The following DDAH1 variants were observed in gnomAD, a reference collection of about 807,000 sequenced individuals.
The protein encoded by DDAH1 is N(G),N(G)-dimethylarginine dimethylaminohydrolase 1.
A neutral mutation model predicts 28.8 loss-of-function variants in DDAH1; 19 were observed. The observed-to-expected ratio is 0.66, with a 90% CI of 0.46 to 0.97. The LOEUF (loss-of-function observed/expected upper bound fraction) is 0.97. Among genes scored for constraint, DDAH1 ranks in the 50% least tolerant of loss-of-function variants. The pLI, the probability that DDAH1 is intolerant of heterozygous loss-of-function variation, is 0.00. For missense variants in DDAH1, 326 were observed against 375.9 expected (o/e 0.87, Z 1.10); for synonymous variants, 153 against 154.4 (o/e 0.99, Z 0.07).
rs1452840336 is a variant in DDAH1, at chr1:85,465,020, G to A, written c.26C>T (p.Ala9Val). The change falls in exon 1 of 6, where the codon GCC becomes GTC. Residue 9 changes from alanine (A) to valine (V), a missense_variant. By Grantham distance (64) the Ala-to-Val change is moderately conservative (BLOSUM62 0). Transcript: ENST00000284031. MAGLGHPAAFGRATHAVVR... is the reference protein window; with the variant it reads MAGLGHPAVFGRATHAVVR... ...CACGGCGTGGGTGGCCCGGCCGAAG[G>A]CGGCGGGGTGGCCGAGCCCGGCCAT... 3 of 1,332,204 alleles carry A rather than the reference G, an allele frequency of 2.3e-6. No individual in the cohort carries two copies. The highest frequency in any genetic ancestry group is 2.9e-6 in the Non-Finnish European group (3 of 1,044,406). The allele number at this position is 1,332,204 out of a possible 1,614,324, so 82.5% of individuals were successfully genotyped here.
intron 2 of DDAH1, among the ~76,000 whole-genome samples, chr1:85,490,956 T>A (rs1656375831): frequency 6.6e-6 from 1 of 152,142 alleles, no homozygotes; most frequent in Non-Finnish European, 1.5e-5. Flanking sequence ...AATATTAATT[T>A]CTCTATTATA....
chr1:85,437,383 G>A (rs928401297), intron 1 of DDAH1, among the ~76,000 whole-genome samples: 1 of 152,090 alleles, frequency 6.6e-6, no homozygotes, highest in South Asian at 2.1e-4. Flanking sequence ...CCATTTATAT[G>A]CAGATCTTCT....
chr1:85,428,419 C>T (rs1483540230), intron 1 of DDAH1, among the ~76,000 whole-genome samples: 1 of 152,092 alleles, frequency 6.6e-6, no homozygotes, highest in East Asian at 1.9e-4. Flanking sequence ...ACCATCAGAA[C>T]TCATAAGACT....
chr1:85,410,611 C>G (rs1162556706), intron 1 of DDAH1, among the ~76,000 whole-genome samples: 1 of 143,450 alleles, frequency 7.0e-6, no homozygotes, highest in Non-Finnish European at 1.5e-5. Context: ...TGCACTCCAG[C>G]CTGCAATAAG....
At chr1:85,563,768 T>C (rs1302898437) in intron 1 of DDAH1, among the ~76,000 whole-genome samples, 1 of 152,244 alleles carries the variant, frequency 6.6e-6, no homozygotes, top group Admixed American at 6.5e-5. Flanking sequence ...TTAAGAGTTA[T>C]TATTTTAACT....
intron 1 of DDAH1, among the ~76,000 whole-genome samples, chr1:85,459,176 A>G (rs1655024786): frequency 1.3e-5 from 2 of 152,254 alleles, no homozygotes; most frequent in Non-Finnish European, 2.9e-5. Context: ...TACCATTATT[A>G]TAATAAAAAC....
chr1:85,324,971 G>A lies in DDAH1; in HGVS notation c.598-88C>T. On this transcript the variant is annotated intron_variant, in intron 4 of 5. Coordinates refer to ENST00000284031, the MANE Select transcript of DDAH1 (RefSeq NM_012137.4). ...GGCAGTGTGGTAGGATACAAGCTTG[G>A]AACTGACACTTTAGGCTGTTCCTCT... is the stretch of plus-strand genomic sequence containing the variant. 1.3e-5 allele frequency: 20 copies of A among 1,495,264 alleles called. No homozygotes were observed. The South Asian group carries it at 2.5e-4, about 19-fold the overall frequency. The allele number at this position is 1,495,264 out of a possible 1,614,324, so 92.6% of individuals were successfully genotyped here. A position where few individuals can be genotyped will look rare whatever the true frequency, so the allele number is the denominator to read the frequency against.
chr1:85,489,545 A>C (rs1393044081), intron 2 of DDAH1, among the ~76,000 whole-genome samples: 3 of 152,184 alleles, frequency 2.0e-5, no homozygotes, highest in African/African-American at 7.2e-5. Flanking sequence ...TCAGCAGGCA[A>C]TTAACAGAGG....
intron 4 of DDAH1, among the ~76,000 whole-genome samples, chr1:85,344,089 A>G (rs1216209779): frequency 6.6e-6 from 1 of 152,242 alleles, no homozygotes; most frequent in Non-Finnish European, 1.5e-5. Context: ...TTTAATTTAA[A>G]ATTACAAGTC....
At chr1:85,463,211 G>A (rs1340369389) in intron 1 of DDAH1, among the ~76,000 whole-genome samples, 1 of 152,150 alleles carries the variant, frequency 6.6e-6, no homozygotes, top group East Asian at 1.9e-4. Context: ...ATCTAGGCAG[G>A]GGAAAAAGAT....
intron 1 of DDAH1, among the ~76,000 whole-genome samples, chr1:85,405,555 G>A (rs1267300104): frequency 6.6e-6 from 1 of 152,018 alleles, no homozygotes; most frequent in Non-Finnish European, 1.5e-5. Flanking sequence ...AGCAGGGGCT[G>A]TATCAAGGCA....
intron 1 of DDAH1, among the ~76,000 whole-genome samples, chr1:85,528,093 T>G (rs1310144057): frequency 1.3e-5 from 2 of 151,902 alleles, no homozygotes; most frequent in Non-Finnish European, 2.9e-5. Flanking sequence ...ATTTTAGGAT[T>G]TCTTAAATTT....
At chr1:85,575,466 G>A (rs1311770466) in intron 1 of DDAH1, among the ~76,000 whole-genome samples, 2 of 152,170 alleles carry the variant, frequency 1.3e-5, no homozygotes. Context: ...CCACCAGCCT[G>A]CCAAGGTGCT....
At chr1:85,395,463 G>C (rs1384911549) in intron 1 of DDAH1, among the ~76,000 whole-genome samples, 1 of 152,042 alleles carries the variant, frequency 6.6e-6, no homozygotes, top group East Asian at 1.9e-4. Flanking sequence ...ACCTGAGGGA[G>C]GGAGTTCAAG....
At chr1:85,559,579 T>A (rs189896969) in intron 1 of DDAH1, among the ~76,000 whole-genome samples, 38 of 152,266 alleles carry the variant, frequency 2.5e-4, no homozygotes, top group Admixed American at 9.2e-4. Flanking sequence ...AAAACAACTA[T>A]TATAGCTATG....
intron 1 of DDAH1, among the ~76,000 whole-genome samples, chr1:85,544,333 T>A (rs1421288551): frequency 6.6e-6 from 1 of 152,170 alleles, no homozygotes; most frequent in Non-Finnish European, 1.5e-5. Flanking sequence ...AGGAAGCCTT[T>A]CCAGGGTTTC....
chr1:85,552,078 A>G (rs1474446088), intron 1 of DDAH1, among the ~76,000 whole-genome samples: 1 of 152,222 alleles, frequency 6.6e-6, no homozygotes, highest in African/African-American at 2.4e-5. Flanking sequence ...TCCAATCCAA[A>G]TACAACTGGA....
intron 1 of DDAH1, among the ~76,000 whole-genome samples, chr1:85,396,065 A>AGAAATCTTCTTTTCAAAAGAAAAT (rs1310845906): frequency 5.3e-5 from 8 of 152,206 alleles, no homozygotes; most frequent in Admixed American, 3.9e-4. Flanking sequence ...ACAGCTATGT[A>AGAAATCTTCTTTTCAAAAGAAAAT]ACTTCTTTTG....
chr1:85,534,828 C>T (rs1658216501), intron 1 of DDAH1, among the ~76,000 whole-genome samples: 1 of 152,170 alleles, frequency 6.6e-6, no homozygotes, highest in Non-Finnish European at 1.5e-5. Context: ...TCTGGGCCCT[C>T]TGCCTCTTTT....
Sources: gnomAD v4.1 joint callset for allele counts (sites outside exome capture counted in the v4.1 genomes callset) on GRCh38, gnomAD v4.1.1 for gene constraint, MANE v1.5 for transcripts, NCBI Gene and HGNC (gene_info 2026-07-23, HGNC 2026-07-21) for gene names.